CRYM: variants seen among roughly 807,000 people sequenced by gnomAD.
CRYM encodes crystallin mu, also known as ketimine reductase mu-crystallin.
In CRYM, 18 loss-of-function variants were observed where a neutral mutation model predicts 32.9. The ratio of observed to expected loss-of-function variants is 0.55; its 90% CI spans 0.38 to 0.81. CRYM has a LOEUF of 0.81. CRYM is among the 30% of genes least tolerant of loss of function. CRYM has a pLI of 0.00. For missense variants in CRYM, 337 were observed against 393.5 expected (o/e 0.86, Z 1.21); for synonymous variants, 153 against 152.4 (o/e 1.00, Z -0.03).
chr16:21,279,308 A>C (rs1368823052), upstream of CRYM, among the ~76,000 whole-genome samples: 1 of 152,198 alleles, frequency 6.6e-6, no homozygotes, highest in Non-Finnish European at 1.5e-5. Context: ...GAAGGGAAGA[A>C]ATTTAGTTCA....
intron 1 of CRYM, among the ~76,000 whole-genome samples, chr16:21,292,951 C>CATGG (rs914006411): frequency 3.3e-5 from 5 of 151,078 alleles, no homozygotes; most frequent in East Asian, 3.9e-4. Flanking sequence ...AAGATAAATG[C>CATGG]ATGGATGGAT....
chr16:21,270,684 C>A (rs867514502), intron 3 of CRYM, among the ~76,000 whole-genome samples: 14 of 152,306 alleles, frequency 9.2e-5, no homozygotes, highest in African/African-American at 3.4e-4. Flanking sequence ...CATGCTCAGC[C>A]ATACCCACTT....
At chr16:21,273,234 C>T (rs796133957) in intron 3 of CRYM, among the ~76,000 whole-genome samples, 17 of 152,228 alleles carry the variant, frequency 1.1e-4, no homozygotes, top group African/African-American at 3.9e-4. Context: ...CCCTAGAGCT[C>T]CGTATACTTA....
chr16:21,265,158 C>T (rs1198183107), intron 5 of CRYM, among the ~76,000 whole-genome samples: 1 of 152,172 alleles, frequency 6.6e-6, no homozygotes. Flanking sequence ...CAGAAATGGT[C>T]TTATTGTCCA....
At chr16:21,267,795 C>T (rs1281592325) in intron 4 of CRYM, 58 bp from the exon 5 acceptor site, 5 of 1,570,740 alleles carry the variant, frequency 3.2e-6, no homozygotes, top group Non-Finnish European at 4.4e-6. Context: ...TTATGTTACA[C>T]TGAGCCCAGG....
chr16:21,281,262 A>AT (rs916081823), upstream of CRYM, among the ~76,000 whole-genome samples: 8 of 149,270 alleles, frequency 5.4e-5, 1 homozygote, highest in Middle Eastern at 6.5e-3. Context: ...ATATATATAA[A>AT]TTTTTTTTTT....
At chr16:21,267,782 T>C (rs1597616269) in intron 4 of CRYM, 45 bp from the exon 5 acceptor site, 1 of 1,606,066 alleles carries the variant, frequency 6.2e-7, no homozygotes, top group East Asian at 2.2e-5. Flanking sequence ...ATTTTTTGGC[T>C]GCTTATGTTA....
chr16:21,261,190 C>A (rs2093353664), intron 7 of CRYM, 64 bp downstream of exon 7: 1 of 1,254,142 alleles, frequency 8.0e-7, no homozygotes, highest in Non-Finnish European at 1.2e-6. Context: ...TTGCTCTTTC[C>A]ACCAATGGGT....
intron 1 of CRYM, among the ~76,000 whole-genome samples, chr16:21,300,669 T>G (rs1290942977): frequency 6.6e-6 from 1 of 152,178 alleles, no homozygotes; most frequent in Non-Finnish European, 1.5e-5. Flanking sequence ...TATACAGTCC[T>G]GGATTTTTCC....
intron 5 of CRYM, among the ~76,000 whole-genome samples, chr16:21,263,167 T>A (rs867140411): frequency 1.3e-5 from 2 of 152,100 alleles, no homozygotes; most frequent in Non-Finnish European, 2.9e-5. Flanking sequence ...TCTGGAAGGC[T>A]GAGGTGGGTG....
intron 1 of CRYM, among the ~76,000 whole-genome samples, chr16:21,285,016 G>A (rs1185250456): frequency 6.6e-6 from 1 of 152,130 alleles, no homozygotes; most frequent in Non-Finnish European, 1.5e-5. Context: ...GCATTTCCCT[G>A]ATGACTGGTG....
intron 3 of CRYM, among the ~76,000 whole-genome samples, chr16:21,272,336 C>A (rs932036130): frequency 3.9e-5 from 6 of 152,256 alleles, no homozygotes; most frequent in Admixed American, 2.6e-4. Flanking sequence ...TGGTCTGGCC[C>A]TCCTATCTCT....
At chr16:21,297,864 C>T (rs1380902895) in intron 1 of CRYM, among the ~76,000 whole-genome samples, 6 of 152,122 alleles carry the variant, frequency 3.9e-5, no homozygotes, top group African/African-American at 1.4e-4. Flanking sequence ...AAGCAAAATC[C>T]AACTCTGCGG....
chr16:21,261,906 T>C, intron 6 of CRYM, 131 bp downstream of exon 6: 3 of 1,075,504 alleles, frequency 2.8e-6, no homozygotes, highest in Non-Finnish European at 4.2e-6. Context: ...GTTTAGGAGC[T>C]CCTTCCCCTA....
At chr16:21,300,915 C>G (rs1377355682) in intron 1 of CRYM, 2 of 152,384 alleles carry the variant, frequency 1.3e-5, no homozygotes, top group Non-Finnish European at 2.9e-5. Flanking sequence ...GAGAAATACA[C>G]GGAGGTGGAA....
At chr16:21,302,890 T>C (rs1960988539) in intron 1 of CRYM, 1 of 152,272 alleles carries the variant, frequency 6.6e-6, no homozygotes, top group Non-Finnish European at 1.5e-5. Context: ...CTAAAGAAAA[T>C]GCTCTGTATT....
chr16:21,269,522 T>C (rs1185388874), intron 4 of CRYM, among the ~76,000 whole-genome samples: 1 of 152,158 alleles, frequency 6.6e-6, no homozygotes, highest in East Asian at 1.9e-4. Flanking sequence ...AGAGATATAA[T>C]AGAATCTTTT....
At chr16:21,279,234 T>A (rs2093393793), upstream of CRYM, among the ~76,000 whole-genome samples, 1 of 152,206 alleles carries the variant, frequency 6.6e-6, no homozygotes, top group African/African-American at 2.4e-5. Flanking sequence ...CTCATTTAAT[T>A]ATACAACAAC....
At chr16:21,263,122 C>G (rs1220423049) in intron 5 of CRYM, among the ~76,000 whole-genome samples, 1 of 152,174 alleles carries the variant, frequency 6.6e-6, no homozygotes, top group Non-Finnish European at 1.5e-5. Flanking sequence ...TCACCACAGG[C>G]TGGGTGCAGT....
Sources: allele counts gnomAD v4.1 joint callset (sites outside exome capture counted in the v4.1 genomes callset), GRCh38; gene constraint gnomAD v4.1.1; transcripts MANE v1.5; gene names NCBI Gene and HGNC (gene_info 2026-07-23, HGNC 2026-07-21).